Variants in NTM observed in about 807,000 individuals in gnomAD.
The protein encoded by NTM is neurotrimin.
NTM carries 13 observed loss-of-function variants against 42.1 expected under a neutral mutation model. That is an observed-to-expected ratio of 0.31 (90% CI 0.20 to 0.49). The LOEUF is 0.49. NTM is among the 20% of genes least tolerant of loss of function. The pLI is 0.99. For missense variants in NTM, 373 were observed against 452.8 expected, an observed-to-expected ratio of 0.82 and a Z score of 1.60; for synonymous variants, 187 against 179.2, an observed-to-expected ratio of 1.04 and a Z score of -0.35.
chr11:131,851,532 C>CGCGTGT (rs147213224), intron 1 of NTM, among the ~76,000 whole-genome samples: 8,491 of 146,758 alleles, frequency 0.058, 581 homozygotes, highest in African/African-American at 0.14. Context: ...GTGAGAATGG[C>CGCGTGT]GTGTGTGTGT....
At chr11:131,929,460 T>A (rs35900757) in intron 2 of NTM, among the ~76,000 whole-genome samples, 3 of 89,874 alleles carry the variant, frequency 3.3e-5, no homozygotes, top group South Asian at 4.1e-4. Flanking sequence ...TTTTTTTTTT[T>A]TAATTTTTTA....
chr11:132,084,257 A>T (rs751056394), intron 2 of NTM, among the ~76,000 whole-genome samples: 1 of 152,184 alleles, frequency 6.6e-6, no homozygotes, highest in Non-Finnish European at 1.5e-5. Flanking sequence ...CGCTACAATC[A>T]AAAACATGAT....
chr11:131,542,762 G>A (rs1192651137), intron 1 of NTM, among the ~76,000 whole-genome samples: 1 of 152,126 alleles, frequency 6.6e-6, no homozygotes, highest in African/African-American at 2.4e-5. Flanking sequence ...AGGATTTCCT[G>A]AAAACCAGGG....
intron 4 of NTM, among the ~76,000 whole-genome samples, chr11:132,230,119 G>A (rs569042133): frequency 9.8e-5 from 15 of 152,304 alleles, no homozygotes; most frequent in Non-Finnish European, 2.1e-4. Flanking sequence ...AGAAAGTACA[G>A]CTTTTAAGAG....
At chr11:131,626,505 T>A (rs1280153352) in intron 1 of NTM, among the ~76,000 whole-genome samples, 1 of 152,208 alleles carries the variant, frequency 6.6e-6, no homozygotes, top group African/African-American at 2.4e-5. Flanking sequence ...GGTGGCAGCT[T>A]ACCTCAGTTG....
chr11:132,119,574 G>A (rs983850828), intron 2 of NTM, among the ~76,000 whole-genome samples: 2 of 152,250 alleles, frequency 1.3e-5, no homozygotes, highest in Non-Finnish European at 2.9e-5. Context: ...ATCAGGACGG[G>A]AAGCAGCTGG....
At chr11:132,195,717 T>C (rs1448333236) in intron 3 of NTM, among the ~76,000 whole-genome samples, 1 of 152,224 alleles carries the variant, frequency 6.6e-6, no homozygotes, top group African/African-American at 2.4e-5. Flanking sequence ...AAGGACTCCC[T>C]ATTCAATAGA....
At chr11:131,698,754 C>T (rs370357968) in intron 1 of NTM, among the ~76,000 whole-genome samples, 2 of 152,182 alleles carry the variant, frequency 1.3e-5, no homozygotes, top group African/African-American at 4.8e-5. Context: ...GCCAGGCTTC[C>T]TTGTTAGGAG....
chr11:132,102,647 T>C (rs920588375), intron 2 of NTM, among the ~76,000 whole-genome samples: 7 of 152,244 alleles, frequency 4.6e-5, no homozygotes. Context: ...TTTTGCTATC[T>C]ATACACTGGA....
At chr11:132,237,409 A>T (rs1374746800) in intron 4 of NTM, among the ~76,000 whole-genome samples, 1 of 152,160 alleles carries the variant, frequency 6.6e-6, no homozygotes, top group African/African-American at 2.4e-5. Flanking sequence ...TGTCAGATTC[A>T]GGTAGCTCTA....
intron 2 of NTM, among the ~76,000 whole-genome samples, chr11:131,974,666 C>T (rs1236137027): frequency 6.6e-6 from 1 of 152,204 alleles, no homozygotes; most frequent in East Asian, 1.9e-4. Context: ...TTATAAAAAA[C>T]ATGACCTTGG....
At chr11:131,416,589 CAGTT>C (rs2135793447) in intron 1 of NTM, among the ~76,000 whole-genome samples, 1 of 152,288 alleles carries the variant, frequency 6.6e-6, no homozygotes, top group African/African-American at 2.4e-5. Context: ...GTATAAGACA[CAGTT>C]AGACTCAATA....
chr11:131,945,878 T>C (rs1033280569), intron 2 of NTM, among the ~76,000 whole-genome samples: 2 of 152,196 alleles, frequency 1.3e-5, no homozygotes, highest in African/African-American at 2.4e-5. Context: ...GGCAAATCTC[T>C]TCCTGCCAGC....
intron 2 of NTM, among the ~76,000 whole-genome samples, chr11:132,135,984 A>G (rs1566264204): frequency 1.3e-5 from 2 of 152,098 alleles, no homozygotes; most frequent in Non-Finnish European, 2.9e-5. Context: ...CTATCTGGAG[A>G]GATCCAGTTA....
intron 1 of NTM, among the ~76,000 whole-genome samples, chr11:131,897,968 A>G (rs557780182): frequency 6.6e-6 from 1 of 152,224 alleles, no homozygotes; most frequent in Admixed American, 6.5e-5. Flanking sequence ...CTTGGAAAAT[A>G]ATTTATAAGA....
At chr11:131,416,616 C>A (rs1432358869) in intron 1 of NTM, among the ~76,000 whole-genome samples, 1 of 152,190 alleles carries the variant, frequency 6.6e-6, no homozygotes, top group African/African-American at 2.4e-5. Context: ...CAGATTCAGT[C>A]TAAACTTCCA....
intron 1 of NTM, among the ~76,000 whole-genome samples, chr11:131,870,915 C>A (rs1390521665): frequency 6.6e-6 from 1 of 152,172 alleles, no homozygotes; most frequent in Admixed American, 6.5e-5. Context: ...TATTTCAGAC[C>A]TGCTATAGTA....
intron 4 of NTM, among the ~76,000 whole-genome samples, chr11:132,305,362 C>G (rs1395649476): frequency 1.3e-5 from 2 of 152,224 alleles, no homozygotes; most frequent in African/African-American, 4.8e-5. Context: ...CTATCAGTCC[C>G]TGCTCCGACC....
At chr11:132,142,189 C>A (rs2069318853) in intron 2 of NTM, among the ~76,000 whole-genome samples, 1 of 152,214 alleles carries the variant, frequency 6.6e-6, no homozygotes, top group Non-Finnish European at 1.5e-5. Context: ...GCCCATCTCC[C>A]ACCTCTTGTT....
Sources: gnomAD v4.1 joint callset for allele counts (sites outside exome capture counted in the v4.1 genomes callset) on GRCh38, gnomAD v4.1.1 for gene constraint, MANE v1.5 for transcripts, NCBI Gene and HGNC (gene_info 2026-07-23, HGNC 2026-07-21) for gene names.